ERC1: variants seen among roughly 807,000 people sequenced by gnomAD.
The protein encoded by ERC1 is RAB6 interacting protein 2.
Under a neutral mutation model 132.0 loss-of-function variants are expected in ERC1, and 56 were observed. That is an observed-to-expected ratio of 0.42 (90% CI 0.34 to 0.53). ERC1 has a LOEUF of 0.53. Among genes scored for constraint, ERC1 ranks in the 20% least tolerant of loss-of-function variants. ERC1 has a pLI of 0.03. For synonymous variants in ERC1, 478 were observed against 476.1 expected (o/e 1.00, Z -0.05); for missense variants, 1,202 against 1,349.9 (o/e 0.89, Z 1.72).
In ERC1 at chr12:1,440,361, C is replaced by G. The variant is rs185325688; in HGVS notation, c.3025-4201C>G. Among the ~76,000 whole-genome samples, 3 of 149,770 alleles carry G rather than the reference C, an allele frequency of 2.0e-5. No homozygotes were observed. The East Asian group carries it at 5.9e-4, about 29-fold the overall frequency. The stretch of plus-strand genomic sequence containing the variant: ...CTGGGACTACAGACGCCCGCCACCA[C>G]GCCCGGCTAATTTTTTTTGTATTTT... On this transcript the variant is annotated intron_variant, in intron 17 of 18. Coordinates refer to ENST00000360905, the MANE Select transcript of ERC1 (RefSeq NM_178040.4).
chr12:1,129,281 G>A (rs61914266), intron 7 of ERC1, among the ~76,000 whole-genome samples: 385 of 152,078 alleles, frequency 2.5e-3, no homozygotes, highest in Middle Eastern at 6.8e-3. Context: ...GAGACCAGCC[G>A]GGGCAACAGT....
At chr12:1,061,515 A>C (rs1937894997) in intron 2 of ERC1, among the ~76,000 whole-genome samples, 1 of 151,866 alleles carries the variant, frequency 6.6e-6, no homozygotes, top group Non-Finnish European at 1.5e-5. Flanking sequence ...AGGCATGAGA[A>C]TCACTTGAAC....
chr12:1,059,833 G>GT, intron 2 of ERC1, among the ~76,000 whole-genome samples: 1 of 152,252 alleles, frequency 6.6e-6, no homozygotes, highest in East Asian at 1.9e-4. Context: ...TCGCATCAAG[G>GT]TAATGCTGGC....
chr12:1,207,774 G>A (rs1957478002), intron 12 of ERC1, among the ~76,000 whole-genome samples: 2 of 152,188 alleles, frequency 1.3e-5, no homozygotes, highest in Admixed American at 6.5e-5. Context: ...CACAAATTCT[G>A]TAAATCAGCT....
At chr12:1,004,687 G>A (rs1326857952) in intron 1 of ERC1, among the ~76,000 whole-genome samples, 1 of 151,870 alleles carries the variant, frequency 6.6e-6, no homozygotes, top group Non-Finnish European at 1.5e-5. Context: ...TTACAGGTGT[G>A]AGCCACCATG....
chr12:1,219,071 C>A (rs533145867), intron 12 of ERC1, among the ~76,000 whole-genome samples: 26 of 152,068 alleles, frequency 1.7e-4, no homozygotes, highest in African/African-American at 5.5e-4. Flanking sequence ...CAGGATTTCA[C>A]CATATTGGCC....
chr12:1,057,535 T>TA lies in ERC1; in HGVS notation c.670-25629_670-25628insA, dbSNP rs1172008665. Among the ~76,000 whole-genome samples, 39 of 151,972 alleles carry TA rather than the reference T, an allele frequency of 2.6e-4. No individual in the cohort carries two copies. The East Asian group carries it at 6.0e-3, about 23-fold the overall frequency. On this transcript the variant is annotated intron_variant, in intron 2 of 18. Coordinates refer to ENST00000360905, the MANE Select transcript of ERC1 (RefSeq NM_178040.4). ...TTATGACTTTTATTGTACTTTTTTT[T>TA]TAAAAAGGTGAATATCAGCATAGCA...
intron 2 of ERC1, among the ~76,000 whole-genome samples, chr12:1,059,027 G>A (rs558601159): frequency 6.6e-6 from 1 of 151,884 alleles, no homozygotes; most frequent in African/African-American, 2.4e-5. Context: ...TCAGTATTTT[G>A]TAATTTTCAT....
chr12:1,022,027 T>C (rs1016800257), intron 1 of ERC1, among the ~76,000 whole-genome samples: 1 of 152,254 alleles, frequency 6.6e-6, no homozygotes, highest in African/African-American at 2.4e-5. Context: ...TGATACACTG[T>C]GAAAATAAGC....
At chr12:1,093,462 C>G (rs908732288) in intron 3 of ERC1, among the ~76,000 whole-genome samples, 1 of 152,094 alleles carries the variant, frequency 6.6e-6, no homozygotes, top group Admixed American at 6.5e-5. Context: ...GTTTTCAGTC[C>G]GCTAGCAGAG....
intron 7 of ERC1, among the ~76,000 whole-genome samples, chr12:1,119,764 G>C (rs1187208077): frequency 6.6e-6 from 1 of 151,982 alleles, no homozygotes; most frequent in Non-Finnish European, 1.5e-5. Context: ...TGGTCAGGCT[G>C]GTCTCGAACT....
intron 14 of ERC1, among the ~76,000 whole-genome samples, chr12:1,266,366 T>C (rs2077477445): frequency 6.6e-6 from 1 of 150,850 alleles, no homozygotes. Flanking sequence ...TCCCATTTTT[T>C]ATTATTATTT....
intron 15 of ERC1, among the ~76,000 whole-genome samples, chr12:1,366,216 TA>T (rs1043564040): frequency 6.6e-6 from 1 of 151,934 alleles, no homozygotes; most frequent in Admixed American, 6.6e-5. Flanking sequence ...TTATCACAAC[TA>T]AAAAAAACCT....
chr12:1,046,741 G>A (rs771373042), intron 2 of ERC1, among the ~76,000 whole-genome samples: 1 of 152,174 alleles, frequency 6.6e-6, no homozygotes, highest in African/African-American at 2.4e-5. Flanking sequence ...ATTTTATGAG[G>A]TAGGTACTGT....
intron 17 of ERC1, among the ~76,000 whole-genome samples, chr12:1,439,665 T>C (rs1310413146): frequency 6.6e-6 from 1 of 152,168 alleles, no homozygotes; most frequent in South Asian, 2.1e-4. Flanking sequence ...TAAGTACAGT[T>C]CATTATAGCT....
chr12:1,326,422 T>C (rs533578985), intron 15 of ERC1, among the ~76,000 whole-genome samples: 11 of 152,150 alleles, frequency 7.2e-5, no homozygotes, highest in Non-Finnish European at 1.3e-4. Flanking sequence ...ATGACAAAGC[T>C]CACCCTTTGA....
intron 17 of ERC1, among the ~76,000 whole-genome samples, chr12:1,432,989 C>T (rs887472481): frequency 1.3e-5 from 2 of 152,338 alleles, no homozygotes; most frequent in East Asian, 1.9e-4. Context: ...CCTGGCTGTG[C>T]GGTGTTTGAA....
intron 15 of ERC1, among the ~76,000 whole-genome samples, chr12:1,296,893 A>T (rs984983444): frequency 6.6e-6 from 1 of 152,334 alleles, no homozygotes; most frequent in African/African-American, 2.4e-5. Flanking sequence ...AGGATAAAAG[A>T]GTGAGAATGA....
chr12:1,126,325 G>A (rs1948156101), intron 7 of ERC1, among the ~76,000 whole-genome samples: 1 of 151,902 alleles, frequency 6.6e-6, no homozygotes, highest in Non-Finnish European at 1.5e-5. Flanking sequence ...GAGCAGATAT[G>A]AAAAGAACAG....
Sources: gnomAD v4.1 joint callset for allele counts (sites outside exome capture counted in the v4.1 genomes callset) on GRCh38, gnomAD v4.1.1 for gene constraint, MANE v1.5 for transcripts, NCBI Gene and HGNC (gene_info 2026-07-23, HGNC 2026-07-21) for gene names.